OTULIN: variants seen among roughly 807,000 people sequenced by gnomAD.
The protein encoded by OTULIN is OTU deubiquitinase with linear linkage specificity, also known as ubiquitin thioesterase otulin.
Under a neutral mutation model 39.6 loss-of-function variants are expected in OTULIN, and 15 were observed. The observed-to-expected ratio is 0.38, with a 90% CI of 0.25 to 0.58. The LOEUF (loss-of-function observed/expected upper bound fraction) is 0.58, where lower values mean the gene tolerates loss of function less well. Among genes scored for constraint, OTULIN ranks in the 20% least tolerant of loss-of-function variants. The pLI, the probability that OTULIN is intolerant of heterozygous loss-of-function variation, is 0.66. For missense variants in OTULIN, 319 were observed against 445.9 expected, an observed-to-expected ratio of 0.72 and a Z score of 2.56; for synonymous variants, 156 against 170.3, an observed-to-expected ratio of 0.92 and a Z score of 0.65.
chr5:14,715,978 T>G, the OTULIN span, among the ~76,000 whole-genome samples: 3 of 152,232 alleles, frequency 2.0e-5, no homozygotes, highest in African/African-American at 7.2e-5. Flanking sequence ...ATCTCCAGGC[T>G]TTAGCAATAC....
intron 6 of OTULIN, among the ~76,000 whole-genome samples, chr5:14,692,193 A>G (rs1184660907): frequency 2.6e-5 from 4 of 152,230 alleles, no homozygotes; most frequent in African/African-American, 9.6e-5. Context: ...CTCACCAGCA[A>G]TGTATCAGTG....
the OTULIN span, chr5:14,707,350 C>T: frequency 6.6e-6 from 1 of 152,004 alleles, no homozygotes. Flanking sequence ...TTCCTAGAAA[C>T]CAAGGATATA....
At chr5:14,711,146 G>T in the OTULIN span, 2 of 1,434,994 alleles carry the variant, frequency 1.4e-6, no homozygotes, top group African/African-American at 1.4e-5. Flanking sequence ...AGATGATGCC[G>T]AAGTGTCATC....
chr5:14,710,144 A>G, the OTULIN span: 1 of 152,222 alleles, frequency 6.6e-6, no homozygotes, highest in African/African-American at 2.4e-5. Flanking sequence ...GTACCGTAGT[A>G]CATTCTCAAT....
At chr5:14,673,597 C>T (rs1727757747) in intron 1 of OTULIN, 45 bp from the exon 2 acceptor site, 1 of 1,567,200 alleles carries the variant, frequency 6.4e-7, no homozygotes, top group Non-Finnish European at 8.7e-7. Flanking sequence ...CGGAAAATGT[C>T]AGTGCAACAA....
chr5:14,687,575 C>T lies in OTULIN; in HGVS notation c.523C>T (p.Leu175=). The T allele has an allele frequency of 1.2e-6, 2 of 1,614,016 alleles. No individual in the cohort carries two copies. Among genetic ancestry groups the T allele is most frequent in the Non-Finnish European group, 8.5e-7 (1 of 1,179,986 alleles). Residue 175 remains leucine, a synonymous_variant, in exon 5 of 7, where the codon CTG becomes TTG. Transcript: ENST00000284274. ...CTGGATCAAGCAATGGAAACTTGGACTGAAATTTGATGGGAAGAATGAGGA... is the reference window on the plus strand; with the variant it reads ...CTGGATCAAGCAATGGAAACTTGGATTGAAATTTGATGGGAAGAATGAGGA... The part of the protein sequence containing the change: ...YNWIKQWKLG[L]KFDGKNEDLV...
Position 14,699,569 on chromosome 5 carries a change from C to G in OTULIN, c.*6521C>G, listed in dbSNP as rs1256255424. The G allele has an allele frequency of 6.6e-6, 1 of 152,224 alleles. No individual in the cohort carries two copies. Among genetic ancestry groups the G allele is most frequent in the East Asian group, 1.9e-4 (1 of 5,206 alleles). 9.4% of individuals were successfully genotyped at this position (152,224 alleles called of 1,614,324 possible). A position where few individuals can be genotyped will look rare whatever the true frequency, so the allele number is the denominator to read the frequency against. ...CTCTACTTGTCTGAATTACGATGCTCTGCTCAACTCTGTGGACAGTGTTTC... is the reference window on the plus strand; with the variant it reads ...CTCTACTTGTCTGAATTACGATGCTGTGCTCAACTCTGTGGACAGTGTTTC... On this transcript the variant is annotated 3_prime_UTR_variant, in exon 7 of 7. Transcript: ENST00000284274.
chr5:14,703,030 C>T (rs749438972), downstream of OTULIN, among the ~76,000 whole-genome samples: 1 of 152,044 alleles, frequency 6.6e-6, no homozygotes, highest in South Asian at 2.1e-4. Flanking sequence ...CCTGGTGGTG[C>T]AGTAGTTTAG....
At chr5:14,715,913 C>CCT in the OTULIN span, among the ~76,000 whole-genome samples, 2 of 152,234 alleles carry the variant, frequency 1.3e-5, no homozygotes, top group African/African-American at 4.8e-5. Flanking sequence ...ATCCATCTGG[C>CCT]CTCAGGTTCC....
At chr5:14,710,984 A>G in the OTULIN span, 2 of 568,722 alleles carry the variant, frequency 3.5e-6, no homozygotes, top group African/African-American at 1.9e-5. Flanking sequence ...TTGTTTTTAC[A>G]TAGCAACAGT....
downstream of OTULIN, among the ~76,000 whole-genome samples, chr5:14,700,984 GT>G (rs1240733887): frequency 6.6e-6 from 1 of 152,190 alleles, no homozygotes; most frequent in African/African-American, 2.4e-5. Flanking sequence ...TCACTGCCCT[GT>G]TTGGCCCTCC....
At chr5:14,714,975 G>A in the OTULIN span, among the ~76,000 whole-genome samples, 2 of 152,300 alleles carry the variant, frequency 1.3e-5, no homozygotes, top group African/African-American at 2.4e-5. Context: ...AGCTTGGTTC[G>A]CCCTGTGTCT....
rs1736504081 is a variant in OTULIN, at chr5:14,690,692, C to T, written c.864+384C>T. Among the ~76,000 whole-genome samples, 1 of 152,134 alleles carries T rather than the reference C, an allele frequency of 6.6e-6. No homozygotes were observed. The highest frequency in any genetic ancestry group is 1.5e-5 in the Non-Finnish European group (1 of 68,008). ...AAAGAAGCCAAAATGCCTTTTATGA[C>T]CTAATCTAGGATGTCACACACTGTT... On this transcript the variant is annotated intron_variant, in intron 6 of 6. Transcript: ENST00000284274. This position sits in a 1 kb window ranked among gnomAD's most constrained non-coding sequence, Gnocchi z 4.5.
chr5:14,668,540 T>C (rs1213797815), intron 1 of OTULIN, among the ~76,000 whole-genome samples: 3 of 152,224 alleles, frequency 2.0e-5, no homozygotes, highest in Non-Finnish European at 2.9e-5. Context: ...GGAAGGTGTG[T>C]TAGTGTAATA....
chr5:14,677,252 C>A (rs1320552727), intron 2 of OTULIN, among the ~76,000 whole-genome samples: 2 of 152,122 alleles, frequency 1.3e-5, no homozygotes, highest in Non-Finnish European at 2.9e-5. Flanking sequence ...TCTCCTCCAG[C>A]AGTCCATAAG....
At chr5:14,710,963 AGTT>A in the OTULIN span, 1 of 518,660 alleles carries the variant, frequency 1.9e-6, no homozygotes, top group South Asian at 2.0e-5. Flanking sequence ...GTATGAAGTC[AGTT>A]GTTTCGTTTG....
intron 6 of OTULIN, among the ~76,000 whole-genome samples, chr5:14,691,188 A>T (rs1039950563): frequency 7.9e-5 from 12 of 152,246 alleles, no homozygotes; most frequent in Admixed American, 7.8e-4. Context: ...TGGAATAGCC[A>T]ACCGCTAAAG....
the OTULIN span, among the ~76,000 whole-genome samples, chr5:14,714,003 T>C: frequency 6.6e-6 from 1 of 152,256 alleles, no homozygotes; most frequent in Non-Finnish European, 1.5e-5. Flanking sequence ...TCTGATCATC[T>C]ACCTCTAGAA....
chr5:14,700,044 G>A (rs1235356078), downstream of OTULIN, among the ~76,000 whole-genome samples: 1 of 152,218 alleles, frequency 6.6e-6, no homozygotes, highest in Non-Finnish European at 1.5e-5. Flanking sequence ...TCTTTGCTGA[G>A]CTGATGGTTG....
Sources: allele counts gnomAD v4.1 joint callset (sites outside exome capture counted in the v4.1 genomes callset), GRCh38; gene constraint gnomAD v4.1.1; non-coding constraint Gnocchi (gnomAD v3.1); transcripts MANE v1.5; gene names NCBI Gene and HGNC (gene_info 2026-07-23, HGNC 2026-07-21).